FAM114A1: variants seen among roughly 807,000 people sequenced by gnomAD.
FAM114A1 encodes the protein protein NOXP20.
In FAM114A1, 62 loss-of-function variants were observed where a neutral mutation model predicts 64.3. The observed-to-expected ratio is 0.96, with a 90% CI of 0.79 to 1.19. The LOEUF (loss-of-function observed/expected upper bound fraction) is 1.19. Ranked by LOEUF, FAM114A1 falls within the 50% of genes most tolerant of loss-of-function variation. The pLI is 0.00. For synonymous variants in FAM114A1, 254 were observed against 251.1 expected (o/e 1.01, Z -0.11); for missense variants, 645 against 676.3 (o/e 0.95, Z 0.51).
intron 3 of FAM114A1, among the ~76,000 whole-genome samples, chr4:38,887,379 C>T (rs1004374989): frequency 2.0e-5 from 3 of 152,178 alleles, no homozygotes; most frequent in Non-Finnish European, 2.9e-5. Context: ...AAGTTACACA[C>T]GTTTAAATAC....
At chr4:38,928,566 G>A (rs972432472) in intron 9 of FAM114A1, among the ~76,000 whole-genome samples, 1 of 151,870 alleles carries the variant, frequency 6.6e-6, no homozygotes, top group Non-Finnish European at 1.5e-5. Context: ...ATTCATTTTA[G>A]CACCTATGAT....
chr4:38,931,716 C>T (rs1720658739), intron 11 of FAM114A1, 104 bp downstream of exon 11: 1 of 1,247,294 alleles, frequency 8.0e-7, no homozygotes, highest in East Asian at 2.6e-5. Flanking sequence ...TTCATTTGTT[C>T]CGTGTTATAG....
chr4:38,904,077 G>A (rs1403805304), intron 4 of FAM114A1, among the ~76,000 whole-genome samples: 2 of 152,198 alleles, frequency 1.3e-5, no homozygotes, highest in East Asian at 3.8e-4. Context: ...GGTGGTTCTA[G>A]TTAGCTCTCA....
At chr4:38,905,291 A>G (rs1717878157) in intron 4 of FAM114A1, among the ~76,000 whole-genome samples, 1 of 151,954 alleles carries the variant, frequency 6.6e-6, no homozygotes, top group African/African-American at 2.4e-5. Flanking sequence ...CCCAGCTGCT[A>G]GGGAGGCTGA....
In FAM114A1 at chr4:38,886,094, G is replaced by A. The variant is rs534760975; in HGVS notation, c.349-5649G>A. Among the ~76,000 whole-genome samples, 15 of 151,856 alleles carry A rather than the reference G, an allele frequency of 9.9e-5. No individual in the cohort carries two copies. In the South Asian group the frequency reaches 1.7e-3, roughly 17 times the overall value. On this transcript the variant is annotated intron_variant, in intron 3 of 14. Transcript: ENST00000358869. The stretch of plus-strand genomic sequence containing the variant: ...GAAGCCACTTGACCTTGATGAGAAC[G>A]ATTTCATGAAGTAGTGGCACAGGAG...
chr4:38,888,105 A>AT (rs1248971433), intron 3 of FAM114A1, among the ~76,000 whole-genome samples: 1 of 151,956 alleles, frequency 6.6e-6, no homozygotes, highest in African/African-American at 2.4e-5. Flanking sequence ...GAGTTCTGGG[A>AT]TTTTACTTTT....
intron 3 of FAM114A1, 47 bp from the exon 4 acceptor site, chr4:38,891,696 A>C: frequency 4.7e-6 from 7 of 1,500,778 alleles, no homozygotes; most frequent in Non-Finnish European, 6.3e-6. Flanking sequence ...TTTTCCATTC[A>C]GAGATATACT....
chr4:38,895,162 G>T (rs1716798757), intron 4 of FAM114A1, among the ~76,000 whole-genome samples: 1 of 152,226 alleles, frequency 6.6e-6, no homozygotes, highest in East Asian at 1.9e-4. Flanking sequence ...GATGAGGCCA[G>T]TGGCTCTGCC....
At chr4:38,925,179 C>T (rs1266100121) in intron 9 of FAM114A1, among the ~76,000 whole-genome samples, 1 of 152,186 alleles carries the variant, frequency 6.6e-6, no homozygotes, top group East Asian at 1.9e-4. Flanking sequence ...TTTGCCTCGC[C>T]TTAATTTGAC....
At chr4:38,941,578 A>T (rs1721581055) in intron 14 of FAM114A1, among the ~76,000 whole-genome samples, 1 of 152,172 alleles carries the variant, frequency 6.6e-6, no homozygotes, top group South Asian at 2.1e-4. Flanking sequence ...GCCCCAACCA[A>T]CACTGCTGTG....
intron 12 of FAM114A1, 140 bp downstream of exon 12, chr4:38,932,514 T>C (rs769349457): frequency 7.6e-6 from 7 of 915,108 alleles, no homozygotes; most frequent in Non-Finnish European, 1.1e-5. Context: ...TTTGTTTTGT[T>C]GAGACGGGAT....
rs186586167 is a variant in FAM114A1, at chr4:38,889,528, A to G, written c.349-2215A>G. On this transcript the variant is annotated intron_variant, in intron 3 of 14. Transcript: ENST00000358869. Reference sequence around the variant, plus strand: ...CCAGGCACTATGCTCGCAACATTATATGAATTATTTCTTTTGATCTTCACG... The same window carrying G: ...CCAGGCACTATGCTCGCAACATTATGTGAATTATTTCTTTTGATCTTCACG... Among the ~76,000 whole-genome samples the G allele has an allele frequency of 1.4e-4, 21 of 152,314 alleles. No homozygotes were observed. The East Asian group carries it at 3.9e-3, about 28-fold the overall frequency.
In FAM114A1 at chr4:38,878,035, G is replaced by A. The variant is rs370198949; in HGVS notation, c.-8-36G>A. 4.7e-6 allele frequency: 7 copies of A among 1,477,332 alleles called. No individual in the cohort carries two copies. In the South Asian group the frequency reaches 5.2e-5, roughly 11 times the overall value. 91.5% of individuals were successfully genotyped at this position (1,477,332 alleles called of 1,614,324 possible). The stretch of plus-strand genomic sequence containing the variant: ...GCTTTGAATTGAAGCTTAACAATTC[G>A]ATGAAAGCATGAGGTGTTTATAATT... On this transcript the variant is annotated intron_variant, in intron 2 of 14. Transcript: ENST00000358869.
intron 3 of FAM114A1, among the ~76,000 whole-genome samples, chr4:38,882,962 G>A (rs945829625): frequency 6.6e-6 from 1 of 151,934 alleles, no homozygotes; most frequent in Non-Finnish European, 1.5e-5. Context: ...TTATGCACTC[G>A]GATAAACTAT....
At chr4:38,906,163 A>G (rs1310043864) in intron 6 of FAM114A1, among the ~76,000 whole-genome samples, 1 of 152,158 alleles carries the variant, frequency 6.6e-6, no homozygotes, top group Non-Finnish European at 1.5e-5. Context: ...GGTTGAGGGG[A>G]GAGAGAACTC....
At chr4:38,933,833 T>A (rs1720863902) in intron 12 of FAM114A1, among the ~76,000 whole-genome samples, 1 of 152,300 alleles carries the variant, frequency 6.6e-6, no homozygotes, top group Middle Eastern at 3.4e-3. Flanking sequence ...GCACACTCAA[T>A]TTGCTAGCTA....
At chr4:38,912,500 T>C (rs79357522) in intron 7 of FAM114A1, among the ~76,000 whole-genome samples, 3,005 of 152,140 alleles carry the variant, frequency 0.02, 91 homozygotes, top group African/African-American at 0.068. Context: ...TTCTCCTGCC[T>C]CCCTCCTGAA....
At position 38,938,085 on chromosome 4, in the gene FAM114A1, C is replaced by G. The variant is rs182435051; in HGVS notation, c.1536+2295C>G. Among the ~76,000 whole-genome samples the G allele has an allele frequency of 7.6e-4, 116 of 152,322 alleles. 1 individual carries two copies. In the Middle Eastern group the frequency reaches 0.034, roughly 45 times the overall value. ...TGCTATTAATGTGACTCAGTGACAGCAGTTCCTAACCCTGTGTCTTTCCAT... is the reference window on the plus strand; with the variant it reads ...TGCTATTAATGTGACTCAGTGACAGGAGTTCCTAACCCTGTGTCTTTCCAT... On this transcript the variant is annotated intron_variant, in intron 13 of 14. Coordinates refer to ENST00000358869, the MANE Select transcript of FAM114A1 (RefSeq NM_138389.4).
Position 38,941,027 on chromosome 4 carries a change from T to A in FAM114A1, c.1590+6T>A. 1 of 1,613,006 alleles carries A rather than the reference T, an allele frequency of 6.2e-7. No homozygotes were observed. The highest frequency in any genetic ancestry group is 2.2e-5 in the East Asian group (1 of 44,856). On this transcript the variant is annotated splice_donor_region_variant and intron_variant, in intron 14 of 14. Transcript: ENST00000358869. ...TCAGTAGTGTATTGTTAGAGGTAAG[T>A]GGCCTCTGGAGAGAAAGTGCTTCTG...
Sources: gnomAD v4.1 joint callset for allele counts (sites outside exome capture counted in the v4.1 genomes callset) on GRCh38, gnomAD v4.1.1 for gene constraint, MANE v1.5 for transcripts, NCBI Gene and HGNC (gene_info 2026-07-23, HGNC 2026-07-21) for gene names.